The following ATP6V1H variants were observed in gnomAD, a reference collection of about 807,000 sequenced individuals.
ATP6V1H encodes ATPase H+ transporting V1 subunit H, also known as V-type proton ATPase subunit H.
In ATP6V1H, 39 loss-of-function variants were observed where a neutral mutation model predicts 71.7. The observed-to-expected ratio is 0.54, with a 90% CI of 0.42 to 0.71. The LOEUF is 0.71. Among genes scored for constraint, ATP6V1H ranks in the 30% least tolerant of loss-of-function variants. ATP6V1H has a pLI of 0.00. For missense variants in ATP6V1H, 509 were observed against 594.9 expected, an observed-to-expected ratio of 0.86 and a Z score of 1.50; for synonymous variants, 192 against 199.3, an observed-to-expected ratio of 0.96 and a Z score of 0.31.
At chr8:53,805,225 C>A (rs1485482337) in intron 7 of ATP6V1H, among the ~76,000 whole-genome samples, 1 of 152,168 alleles carries the variant, frequency 6.6e-6, no homozygotes, top group African/African-American at 2.4e-5. Flanking sequence ...CTTGAGAAAA[C>A]AAGTCTGCTT....
At chr8:53,723,411 G>A (rs1371611985) in intron 13 of ATP6V1H, among the ~76,000 whole-genome samples, 1 of 151,966 alleles carries the variant, frequency 6.6e-6, no homozygotes, top group African/African-American at 2.4e-5. Flanking sequence ...TTTCCCTCTA[G>A]TCTTTTACAA....
chr8:53,805,938 T>C (rs1810061811), intron 7 of ATP6V1H, among the ~76,000 whole-genome samples: 1 of 152,182 alleles, frequency 6.6e-6, no homozygotes, highest in African/African-American at 2.4e-5. Flanking sequence ...ACAACACTAC[T>C]CTATGGTAAT....
intron 13 of ATP6V1H, among the ~76,000 whole-genome samples, chr8:53,730,062 G>A (rs1438748794): frequency 6.6e-6 from 1 of 152,188 alleles, no homozygotes; most frequent in African/African-American, 2.4e-5. Context: ...TCTTGGGCAG[G>A]AAAAGCAGTC....
chr8:53,764,468 C>T (rs984132510), intron 11 of ATP6V1H, among the ~76,000 whole-genome samples: 1 of 151,840 alleles, frequency 6.6e-6, no homozygotes, highest in African/African-American at 2.4e-5. Flanking sequence ...ACAAATTTAA[C>T]ATCCATTCAT....
At chr8:53,746,029 T>C (rs987220797) in intron 12 of ATP6V1H, among the ~76,000 whole-genome samples, 1 of 152,126 alleles carries the variant, frequency 6.6e-6, no homozygotes, top group African/African-American at 2.4e-5. Context: ...GTGAGCAAAA[T>C]AGGACTGATT....
intron 4 of ATP6V1H, among the ~76,000 whole-genome samples, chr8:53,821,173 C>A (rs1040328841): frequency 6.6e-6 from 1 of 151,014 alleles, no homozygotes; most frequent in Admixed American, 6.6e-5. Flanking sequence ...GAGTTTGAGA[C>A]CACCCTGACC....
rs768746200 is a variant in ATP6V1H at position 53,814,781 on chromosome 8, G to A, written c.421-15C>T. ...ATTCTTGCTGCCTGAAAACAAATAAGAGATACATTTAACGCAACATTAATT... is the reference window on the plus strand; with the variant it reads ...ATTCTTGCTGCCTGAAAACAAATAAAAGATACATTTAACGCAACATTAATT... On this transcript the variant is annotated splice_polypyrimidine_tract_variant and intron_variant, in intron 5 of 13. Transcript: ENST00000359530. 1 of 1,553,664 alleles carries A rather than the reference G, an allele frequency of 6.4e-7. No homozygotes were observed. The highest frequency in any genetic ancestry group is 1.7e-5 in the Admixed American group (1 of 58,618).
At chr8:53,790,150 A>G (rs1476466294) in intron 9 of ATP6V1H, among the ~76,000 whole-genome samples, 2 of 152,204 alleles carry the variant, frequency 1.3e-5, no homozygotes, top group Non-Finnish European at 2.9e-5. Flanking sequence ...ATGTTCATCT[A>G]ATTAAGTAAA....
chr8:53,743,442 A>C (rs1477896637), intron 13 of ATP6V1H, 135 bp downstream of exon 13: 2 of 719,966 alleles, frequency 2.8e-6, no homozygotes, highest in Non-Finnish European at 4.8e-6. Flanking sequence ...AATTACTAAA[A>C]TATATTTCTA....
chr8:53,833,223 A>T, intron 2 of ATP6V1H, 137 bp from the exon 3 acceptor site: 1 of 610,110 alleles, frequency 1.6e-6, no homozygotes, highest in Non-Finnish European at 2.9e-6. Flanking sequence ...CATCAGACAG[A>T]CCTGGATTCA....
At chr8:53,783,863 T>C (rs1366636839) in intron 9 of ATP6V1H, among the ~76,000 whole-genome samples, 1 of 152,226 alleles carries the variant, frequency 6.6e-6, no homozygotes, top group Non-Finnish European at 1.5e-5. Context: ...TGAGTGAGTT[T>C]CTTAATCCTG....
chr8:53,733,527 A>C (rs1477574185), intron 13 of ATP6V1H, among the ~76,000 whole-genome samples: 1 of 152,226 alleles, frequency 6.6e-6, no homozygotes, highest in Non-Finnish European at 1.5e-5. Flanking sequence ...CTGTGGGTAT[A>C]AGGTGTCCAA....
chr8:53,775,315 T>C (rs190786211), intron 9 of ATP6V1H, among the ~76,000 whole-genome samples: 341 of 152,296 alleles, frequency 2.2e-3, no homozygotes, highest in African/African-American at 7.6e-3. Flanking sequence ...GCAAGATTTA[T>C]TGCAAAGAGC....
intron 10 of ATP6V1H, among the ~76,000 whole-genome samples, 182 bp from the exon 11 acceptor site, chr8:53,769,925 T>A (rs1316985508): frequency 6.6e-6 from 1 of 152,128 alleles, no homozygotes; most frequent in Admixed American, 6.5e-5. Context: ...TCATGTGAAA[T>A]TTTATTCAGT....
intron 13 of ATP6V1H, among the ~76,000 whole-genome samples, chr8:53,718,460 C>T (rs993063396): frequency 6.0e-5 from 9 of 149,164 alleles, no homozygotes; most frequent in African/African-American, 2.2e-4. Context: ...GCAGTCACAG[C>T]TCACTGCAGC....
intron 12 of ATP6V1H, among the ~76,000 whole-genome samples, chr8:53,749,293 A>G (rs574251486): frequency 6.6e-6 from 1 of 152,382 alleles, no homozygotes; most frequent in East Asian, 1.9e-4. Context: ...ACAAGTAACA[A>G]AAACTTTACC....
chr8:53,776,015 G>A (rs1461767227), intron 9 of ATP6V1H, among the ~76,000 whole-genome samples: 1 of 152,222 alleles, frequency 6.6e-6, no homozygotes, highest in Non-Finnish European at 1.5e-5. Context: ...GCTCAGGCAT[G>A]GCAGGCTGCA....
chr8:53,806,377 G>A (rs1810078758), intron 7 of ATP6V1H, among the ~76,000 whole-genome samples: 1 of 151,926 alleles, frequency 6.6e-6, no homozygotes, highest in South Asian at 2.1e-4. Flanking sequence ...GAATTCTCTT[G>A]AAGTTGGCTG....
intron 2 of ATP6V1H, among the ~76,000 whole-genome samples, chr8:53,840,774 C>T (rs1025610740): frequency 6.6e-6 from 1 of 152,114 alleles, no homozygotes; most frequent in Non-Finnish European, 1.5e-5. Flanking sequence ...AACTAGATTC[C>T]TCAATTTGTT....
Sources: allele counts gnomAD v4.1 joint callset (sites outside exome capture counted in the v4.1 genomes callset), GRCh38; gene constraint gnomAD v4.1.1; transcripts MANE v1.5; gene names NCBI Gene and HGNC (gene_info 2026-07-23, HGNC 2026-07-21).